Variants in SYT4 observed in about 807,000 individuals in gnomAD.
SYT4 encodes the protein synaptotagmin 4.
A neutral mutation model predicts 32.9 loss-of-function variants in SYT4; 7 were observed. The ratio of observed to expected loss-of-function variants is 0.21; its 90% CI spans 0.12 to 0.40. The LOEUF is 0.40. SYT4 is among the 10% of genes least tolerant of loss of function. The pLI, the probability that SYT4 is intolerant of heterozygous loss-of-function variation, is 1.00. For missense variants in SYT4, 480 were observed against 488.0 expected (o/e 0.98, Z 0.16); for synonymous variants, 205 against 186.2 (o/e 1.10, Z -0.82).
chr18:43,273,559 T>C, intron 2 of SYT4, 21 bp downstream of exon 2: 1 of 1,534,074 alleles, frequency 6.5e-7, no homozygotes, highest in East Asian at 2.3e-5. Flanking sequence ...ATAAATACTT[T>C]AAGCACTGAA....
chr18:43,271,038 G>C (rs1478078936), intron 3 of SYT4, among the ~76,000 whole-genome samples: 1 of 152,118 alleles, frequency 6.6e-6, no homozygotes, highest in East Asian at 1.9e-4. Flanking sequence ...ATGACTTTGG[G>C]TGAGTCTATT....
chr18:43,274,129 A>T lies in SYT4; in HGVS notation c.300T>A (p.Asp100Glu). Residue 100 changes from aspartate (D) to glutamate (E), a missense_variant, in exon 2 of 4, where the codon GAT becomes GAA. Physicochemically the swap from Asp to Glu is conservative, Grantham distance 45. Transcript: ENST00000255224. ...NSLHLDLEKR[D>E]LNGNFPKTNL... ...TGGTTTTGGGAAAATTGCCATTGAG[A>T]TCTCTCTTTTCAAGATCCAGATGCA... The T allele has an allele frequency of 6.2e-7, 1 of 1,614,014 alleles. No individual in the cohort carries two copies. Among genetic ancestry groups the T allele is most frequent in the South Asian group, 1.1e-5 (1 of 91,080 alleles).
rs752746360 is a variant in SYT4 at position 43,274,028 on chromosome 18, A to G, written c.401T>C (p.Val134Ala). ...GCTGGACTTTAAACTCTCAGGGGAA[A>G]CTGACTCTTTTTCCCCTTCTAAAAA... is the stretch of plus-strand genomic sequence containing the variant. ...KLFLEGEKES[V>A]SPESLKSSTS... The change falls in exon 2 of 4, where the codon GTT becomes GCT. Residue 134 changes from valine (V) to alanine (A), a missense_variant. By Grantham distance (64) the Val-to-Ala change is moderately conservative (BLOSUM62 0). Coordinates refer to ENST00000255224, the MANE Select transcript of SYT4 (RefSeq NM_020783.4). 2 of 1,613,914 alleles carry G rather than the reference A, an allele frequency of 1.2e-6. No individual in the cohort carries two copies. The highest frequency in any genetic ancestry group is 2.2e-5 in the East Asian group (1 of 44,830).
chr18:43,274,719 G>A (rs1016113826), intron 1 of SYT4, among the ~76,000 whole-genome samples: 1 of 152,114 alleles, frequency 6.6e-6, no homozygotes, highest in African/African-American at 2.4e-5. Context: ...GATAACATGA[G>A]ACAGCTACAA....
chr18:43,273,718 G>A lies in SYT4; in HGVS notation c.711C>T (p.Ala237=). ...CAAAACTCAAAATTGTGAAGTGCAA[G>A]GCCAATTCTTGGATTTGGGTGTAGG... The part of the protein sequence containing the change: ...GIPYTQIQEL[A]LHFTILSFDR... The change falls in exon 2 of 4, where the codon GCC becomes GCT. Residue 237 remains alanine, a synonymous_variant. Transcript: ENST00000255224. 1.2e-6 allele frequency: 2 copies of A among 1,613,972 alleles called. No individual in the cohort carries two copies. The highest frequency in any genetic ancestry group is 1.7e-6 in the Non-Finnish European group (2 of 1,179,888).
rs1201365700 is a variant in SYT4, at chr18:43,268,171, T to C, written c.*2170A>G. On this transcript the variant is annotated 3_prime_UTR_variant, in exon 4 of 4. Coordinates refer to ENST00000255224, the MANE Select transcript of SYT4 (RefSeq NM_020783.4). ...GTAACAGGATTCAAGATATTCACAT[T>C]GATATTGTAATACATTCTAAAACAG... The C allele has an allele frequency of 6.6e-6, 1 of 152,620 alleles. No individual in the cohort carries two copies. Among genetic ancestry groups the C allele is most frequent in the African/African-American group, 2.4e-5 (1 of 41,456 alleles). The allele number at this position is 152,620 out of a possible 1,614,324, so 9.5% of individuals were successfully genotyped here. A position where few individuals can be genotyped will look rare whatever the true frequency, so the allele number is the denominator to read the frequency against.
In SYT4 at chr18:43,273,144, C is replaced by T. The variant is rs185262415; in HGVS notation, c.849+436G>A. Among the ~76,000 whole-genome samples, 9 of 152,136 alleles carry T rather than the reference C, an allele frequency of 5.9e-5. No individual in the cohort carries two copies. The East Asian group carries it at 1.2e-3, about 20-fold the overall frequency. ...CTTGAAAGGCAATTCCATGGAAAGT[C>T]AATACAATTTCCAAATCTTCAGGAA... On this transcript the variant is annotated intron_variant, in intron 2 of 3. Transcript: ENST00000255224.
In SYT4 at chr18:43,268,479, C is replaced by G. The variant is rs903355460; in HGVS notation, c.*1862G>C. On this transcript the variant is annotated 3_prime_UTR_variant, in exon 4 of 4. Coordinates refer to ENST00000255224, the MANE Select transcript of SYT4 (RefSeq NM_020783.4). Reference sequence around the variant, plus strand: ...TGCTACCACCATTAACTTCTGGCTGCCGTGAAGAATACTTAGAATTGGCCC... The same window carrying G: ...TGCTACCACCATTAACTTCTGGCTGGCGTGAAGAATACTTAGAATTGGCCC... The G allele has an allele frequency of 2.0e-5, 3 of 152,134 alleles. No homozygotes were observed. Among genetic ancestry groups the G allele is most frequent in the Non-Finnish European group, 4.4e-5 (3 of 68,028 alleles). 9.4% of individuals were successfully genotyped at this position (152,134 alleles called of 1,614,324 possible).
Position 43,270,126 on chromosome 18 carries a change from T to A in SYT4, c.*215A>T, listed in dbSNP as rs75437862. ...TAATCTGAAGGAGATATTGAATATC[T>A]TATGAAAATTTATCCAACTCTTCTA... On this transcript the variant is annotated 3_prime_UTR_variant, in exon 4 of 4. Coordinates refer to ENST00000255224, the MANE Select transcript of SYT4 (RefSeq NM_020783.4). The A allele has an allele frequency of 2.3e-5, 13 of 561,914 alleles. No homozygotes were observed. The highest frequency in any genetic ancestry group is 2.2e-4 in the African/African-American group (12 of 53,338). The allele number at this position is 561,914 out of a possible 1,614,324, so 34.8% of individuals were successfully genotyped here.
rs1337890760 is a variant in SYT4, at chr18:43,270,085, C to T, written c.*256G>A. ...GTATTCATAAAATGTCTGACTATTC[C>T]TAGTTATATCACTGGTAATCTGAAG... On this transcript the variant is annotated 3_prime_UTR_variant, in exon 4 of 4. Coordinates refer to ENST00000255224, the MANE Select transcript of SYT4 (RefSeq NM_020783.4). 4.4e-6 allele frequency: 2 copies of T among 459,402 alleles called. No homozygotes were observed. Among genetic ancestry groups the T allele is most frequent in the Non-Finnish European group, 7.7e-6 (2 of 258,272 alleles). The allele number at this position is 459,402 out of a possible 1,614,324, so 28.5% of individuals were successfully genotyped here. A position where few individuals can be genotyped will look rare whatever the true frequency, so the allele number is the denominator to read the frequency against.
chr18:43,277,370 C>G lies in SYT4; in HGVS notation c.-89G>C. Reference sequence around the variant, plus strand: ...GGATCTCAAGCGCCGGCTTTCGGAGCGCTGAAAACAACAGCGCAGAGCCCA... The same window carrying G: ...GGATCTCAAGCGCCGGCTTTCGGAGGGCTGAAAACAACAGCGCAGAGCCCA... On this transcript the variant is annotated 5_prime_UTR_variant, in exon 1 of 4. Transcript: ENST00000255224. 1.3e-6 allele frequency: 2 copies of G among 1,549,372 alleles called. No homozygotes were observed. The highest frequency in any genetic ancestry group is 2.2e-5 in the South Asian group (2 of 89,370).
In SYT4 at chr18:43,270,662, T is replaced by A. The variant is rs775663816; in HGVS notation, c.971-14A>T. On this transcript the variant is annotated splice_polypyrimidine_tract_variant and intron_variant, in intron 3 of 3. Transcript: ENST00000255224. Reference sequence around the variant, plus strand: ...TGACATAGGGATCTGCAGTGGAACATAACAGGCATTACAATGGCATAACTG... The same window carrying A: ...TGACATAGGGATCTGCAGTGGAACAAAACAGGCATTACAATGGCATAACTG... 2 of 1,610,924 alleles carry A rather than the reference T, an allele frequency of 1.2e-6. No individual in the cohort carries two copies. The highest frequency in any genetic ancestry group is 2.7e-5 in the African/African-American group (2 of 74,740).
rs376265363 is a variant in SYT4 at position 43,273,588 on chromosome 18, T to C, written c.841A>G (p.Asn281Asp). The C allele has an allele frequency of 9.1e-5, 145 of 1,599,964 alleles. 1 individual carries two copies. Among genetic ancestry groups the C allele is most frequent in the Non-Finnish European group, 1.0e-5 (12 of 1,172,686 alleles). The change falls in exon 2 of 4, where the codon AAT becomes GAT. Residue 281 changes from asparagine to aspartate, a missense_variant. By Grantham distance (23) the Asn-to-Asp change is conservative. Coordinates refer to ENST00000255224, the MANE Select transcript of SYT4 (RefSeq NM_020783.4). Reference sequence around the variant, plus strand: ...CACTGAAAATAAATTACCCTAACATTTCTCTTGATGATCTCTCTATTCATT... The same window carrying C: ...CACTGAAAATAAATTACCCTAACATCTCTCTTGATGATCTCTCTATTCATT... ...MLMNREIIKR[N>D]VRKSSGRGEL...
intron 2 of SYT4, among the ~76,000 whole-genome samples, chr18:43,272,881 C>T (rs1001409649): frequency 3.9e-5 from 6 of 152,090 alleles, no homozygotes; most frequent in African/African-American, 1.4e-4. Flanking sequence ...ATTAGTATGT[C>T]TATTGATTTT....
In SYT4 at chr18:43,270,625, A is replaced by G; in HGVS notation, c.994T>C (p.Tyr332His). 1.9e-6 allele frequency: 3 copies of G among 1,613,856 alleles called. No homozygotes were observed. Among genetic ancestry groups the G allele is most frequent in the Non-Finnish European group, 2.5e-6 (3 of 1,179,868 alleles). The change falls in exon 4 of 4, where the codon TAC (tyrosine) becomes CAC (histidine). Residue 332 changes from tyrosine to histidine, a missense_variant. Transcript: ENST00000255224. ...TTGGAGATTCTCTTTTTGGCATGGT[A>G]CAGGTTCACTTTGACATAGGGATCT... ...LSDPYVKVNL[Y>H]HAKKRISKKK...
At position 43,270,186 on chromosome 18, in the gene SYT4, G is replaced by A. The variant is rs1353473167; in HGVS notation, c.*155C>T. ...GAAATTATCATAATACACATTTGAA[G>A]TTACTTTCTGGTCTACTAATTCAAT... On this transcript the variant is annotated 3_prime_UTR_variant, in exon 4 of 4. Transcript: ENST00000255224. 1.3e-6 allele frequency: 1 copy of A among 756,400 alleles called. No homozygotes were observed. The highest frequency in any genetic ancestry group is 2.2e-6 in the Non-Finnish European group (1 of 458,556). The allele number at this position is 756,400 out of a possible 1,614,324, so 46.9% of individuals were successfully genotyped here. A position where few individuals can be genotyped will look rare whatever the true frequency, so the allele number is the denominator to read the frequency against.
intron 3 of SYT4, among the ~76,000 whole-genome samples, chr18:43,271,436 T>C (rs1280163749): frequency 6.6e-6 from 1 of 152,200 alleles, no homozygotes; most frequent in Non-Finnish European, 1.5e-5. Flanking sequence ...TTAAGAAACA[T>C]ACCCAATCAT....
chr18:43,270,553 C>T lies in SYT4; in HGVS notation c.1066G>A (p.Glu356Lys). ...CAAGGAATATCAAAGACAAACAGCT[C>T]ATTGAACACTGCATTGGGGGTGCAT... ...KKCTPNAVFN[E>K]LFVFDIPCEG... The change falls in exon 4 of 4, where the codon GAG (glutamate) becomes AAG (lysine). Residue 356 changes from glutamate to lysine, a missense_variant. Physicochemically the swap from Glu to Lys is moderately conservative, Grantham distance 56. Transcript: ENST00000255224. The T allele has an allele frequency of 1.2e-6, 2 of 1,614,044 alleles. No homozygotes were observed. The highest frequency in any genetic ancestry group is 1.7e-5 in the Admixed American group (1 of 60,008).
chr18:43,275,304 T>G (rs1211100206), intron 1 of SYT4, among the ~76,000 whole-genome samples: 1 of 152,166 alleles, frequency 6.6e-6, no homozygotes, highest in East Asian at 1.9e-4. Flanking sequence ...CATTAGGTAA[T>G]ATCAATTATG....
Sources: allele counts gnomAD v4.1 joint callset (sites outside exome capture counted in the v4.1 genomes callset), GRCh38; gene constraint gnomAD v4.1.1; transcripts MANE v1.5; gene names NCBI Gene and HGNC (gene_info 2026-07-23, HGNC 2026-07-21).